Variants in MTCL2 observed in about 807,000 individuals in gnomAD.
MTCL2 encodes the protein microtubule crosslinking factor 2, also known as microtubule cross-linking factor 2.
At chr20:36,797,252 G>A in the MTCL2 span, among the ~76,000 whole-genome samples, 414 of 152,198 alleles carry the variant, frequency 2.7e-3, 4 homozygotes, top group Non-Finnish European at 5.2e-3. Context: ...CTGCTCAGCT[G>A]GTGGTGGGCT....
chr20:36,816,540 G>A, the MTCL2 span, among the ~76,000 whole-genome samples: 1 of 152,176 alleles, frequency 6.6e-6, no homozygotes, highest in Middle Eastern at 3.4e-3. Flanking sequence ...ACATACTGAT[G>A]AGCAACTGCT....
the MTCL2 span, among the ~76,000 whole-genome samples, chr20:36,856,245 C>A: frequency 1.3e-5 from 2 of 152,196 alleles, no homozygotes; most frequent in African/African-American, 4.8e-5. Flanking sequence ...GGCACAGAGA[C>A]AGCCACTTGA....
At chr20:36,861,800 C>A in the MTCL2 span, among the ~76,000 whole-genome samples, 1 of 152,236 alleles carries the variant, frequency 6.6e-6, no homozygotes, top group African/African-American at 2.4e-5. Context: ...GCAGATGGAG[C>A]CCGGCTGGCA....
chr20:36,808,339 G>C, the MTCL2 span, among the ~76,000 whole-genome samples: 2 of 149,296 alleles, frequency 1.3e-5, no homozygotes, highest in African/African-American at 4.9e-5. Flanking sequence ...CTGGGCTGGA[G>C]TGAGACTCCA....
the MTCL2 span, chr20:36,781,133 T>C: frequency 1.3e-5 from 2 of 152,248 alleles, no homozygotes; most frequent in African/African-American, 4.8e-5. Flanking sequence ...AAATAGCCTC[T>C]GATGCTTTTT....
At chr20:36,842,290 A>T in the MTCL2 span, among the ~76,000 whole-genome samples, 6 of 152,336 alleles carry the variant, frequency 3.9e-5, no homozygotes, top group East Asian at 1.2e-3. Flanking sequence ...TCAGGTCAAA[A>T]ACAACAAAAA....
At chr20:36,848,440 C>T in the MTCL2 span, among the ~76,000 whole-genome samples, 1 of 152,238 alleles carries the variant, frequency 6.6e-6, no homozygotes, top group Non-Finnish European at 1.5e-5. Flanking sequence ...GACAGCCAAA[C>T]ATGAGCTCAC....
chr20:36,815,470 C>G, the MTCL2 span: 4 of 1,602,584 alleles, frequency 2.5e-6, no homozygotes, highest in South Asian at 3.4e-5. The surrounding 1 kb of genome is among the most constrained non-coding windows in gnomAD (Gnocchi z 5.3). Context: ...GCGGCCTGCT[C>G]TCTCAGCCCA....
chr20:36,784,331 C>A, the MTCL2 span: 2 of 986,078 alleles, frequency 2.0e-6, no homozygotes, highest in Non-Finnish European at 2.4e-6. Context: ...AGGCGGCTGG[C>A]GGGACTGGCA....
chr20:36,778,068 C>T, the MTCL2 span: 24 of 433,162 alleles, frequency 5.5e-5, no homozygotes, highest in Non-Finnish European at 9.8e-5. Context: ...TGGCACCATC[C>T]ACACAGCCTT....
the MTCL2 span, among the ~76,000 whole-genome samples, chr20:36,854,249 A>G: frequency 6.6e-6 from 1 of 152,102 alleles, no homozygotes; most frequent in African/African-American, 2.4e-5. Context: ...AAAAGGAAGG[A>G]GCTAATTACC....
At chr20:36,808,065 C>T in the MTCL2 span, among the ~76,000 whole-genome samples, 15 of 148,056 alleles carry the variant, frequency 1.0e-4, no homozygotes, top group Non-Finnish European at 1.5e-4. Context: ...TTAGTAGAGA[C>T]GGGGTTTCAC....
the MTCL2 span, chr20:36,863,064 C>T: frequency 7.1e-7 from 1 of 1,404,580 alleles, no homozygotes. The surrounding 1 kb of genome is among the most constrained non-coding windows in gnomAD (Gnocchi z 6.2). Context: ...GGCACGGACC[C>T]CGGTGCGGAC....
the MTCL2 span, chr20:36,797,559 G>T: frequency 3.9e-6 from 6 of 1,556,944 alleles, no homozygotes; most frequent in Non-Finnish European, 5.2e-6. Flanking sequence ...CCCAGGGGTC[G>T]GCAGCCTTCT....
At chr20:36,810,461 T>A in the MTCL2 span, among the ~76,000 whole-genome samples, 3 of 152,202 alleles carry the variant, frequency 2.0e-5, no homozygotes, top group African/African-American at 7.2e-5. Context: ...ATGATGGGAC[T>A]TAAAAGATGC....
the MTCL2 span, among the ~76,000 whole-genome samples, chr20:36,846,147 A>C: frequency 6.6e-6 from 1 of 151,782 alleles, no homozygotes; most frequent in African/African-American, 2.4e-5. Flanking sequence ...CAGAGGTTGT[A>C]GTGAGCCAAG....
At chr20:36,858,311 A>AC in the MTCL2 span, among the ~76,000 whole-genome samples, 1 of 31,804 alleles carries the variant, frequency 3.1e-5, no homozygotes, top group African/African-American at 1.0e-4. Context: ...AAGGAGGGAA[A>AC]ACACACACAC....
At chr20:36,840,825 G>A in the MTCL2 span, among the ~76,000 whole-genome samples, 12 of 151,442 alleles carry the variant, frequency 7.9e-5, no homozygotes, top group Non-Finnish European at 1.6e-4. Context: ...CAGCCTGGGC[G>A]ACAGAGCGAG....
At chr20:36,785,876 T>C in the MTCL2 span, 1 of 985,890 alleles carries the variant, frequency 1.0e-6, no homozygotes, top group South Asian at 4.7e-5. Flanking sequence ...CACTAAGCAA[T>C]GGCCCTGGCT....
Sources: allele counts gnomAD v4.1 joint callset (sites outside exome capture counted in the v4.1 genomes callset), GRCh38; gene constraint gnomAD v4.1.1; non-coding constraint Gnocchi (gnomAD v3.1); transcripts MANE v1.5; gene names NCBI Gene and HGNC (gene_info 2026-07-23, HGNC 2026-07-21).